Variants in MYO3B observed in about 807,000 individuals in gnomAD.
MYO3B encodes the protein myosin IIIB, also known as myosin-IIIb.
In MYO3B, 156 loss-of-function variants were observed where a neutral mutation model predicts 174.6. That is an observed-to-expected ratio of 0.89 (90% CI 0.78 to 1.02). The LOEUF is 1.02. Among genes scored for constraint, MYO3B ranks in the 50% least tolerant of loss-of-function variants. The probability of loss-of-function intolerance (pLI) is 0.00; values close to 1 mark genes in which losing one functional copy is unlikely to be tolerated. For synonymous variants in MYO3B, 563 were observed against 569.1 expected, an observed-to-expected ratio of 0.99 and a Z score of 0.15; for missense variants, 1,632 against 1,639.4, an observed-to-expected ratio of 1.00 and a Z score of 0.08.
At chr2:170,237,753 A>G (rs2093087761) in intron 7 of MYO3B, among the ~76,000 whole-genome samples, 1 of 152,178 alleles carries the variant, frequency 6.6e-6, no homozygotes, top group Admixed American at 6.5e-5. Context: ...AGAATTGGGC[A>G]ATTGTTAGAA....
chr2:170,518,713 C>T (rs1688474870), intron 29 of MYO3B, among the ~76,000 whole-genome samples: 1 of 152,176 alleles, frequency 6.6e-6, no homozygotes, highest in Non-Finnish European at 1.5e-5. Context: ...CCTGCAGAGT[C>T]TCTGATTCAC....
chr2:170,630,568 G>C (rs1353020536), intron 32 of MYO3B, among the ~76,000 whole-genome samples: 1 of 152,176 alleles, frequency 6.6e-6, no homozygotes, highest in East Asian at 1.9e-4. Flanking sequence ...CACAGTGTTT[G>C]AGCTCTGAGA....
intron 14 of MYO3B, 50 bp downstream of exon 14, chr2:170,387,358 G>A (rs976188332): frequency 1.9e-6 from 3 of 1,549,584 alleles, no homozygotes; most frequent in Admixed American, 1.7e-5. Context: ...TAAAAACTGG[G>A]AGACTTTGGA....
chr2:170,435,099 A>T (rs549385288), intron 22 of MYO3B, among the ~76,000 whole-genome samples: 3 of 152,348 alleles, frequency 2.0e-5, no homozygotes, highest in African/African-American at 7.2e-5. Flanking sequence ...GGTCTGTCTC[A>T]AGCTTGCTCC....
chr2:170,483,605 C>G (rs950113703), intron 25 of MYO3B, among the ~76,000 whole-genome samples: 2 of 151,394 alleles, frequency 1.3e-5, no homozygotes, highest in Non-Finnish European at 2.9e-5. Flanking sequence ...CCAGGATGGT[C>G]TCGATCTCCT....
chr2:170,366,031 G>T (rs1209141074), intron 8 of MYO3B, among the ~76,000 whole-genome samples: 1 of 152,112 alleles, frequency 6.6e-6, no homozygotes, highest in Non-Finnish European at 1.5e-5. Context: ...TAGGAGGAGG[G>T]AGTGAAGTGA....
chr2:170,374,834 G>A (rs935011010), intron 9 of MYO3B, among the ~76,000 whole-genome samples: 2 of 151,680 alleles, frequency 1.3e-5, no homozygotes, highest in Non-Finnish European at 2.9e-5. Flanking sequence ...AGAGGCACCT[G>A]TGGAGAAGTG....
intron 7 of MYO3B, among the ~76,000 whole-genome samples, chr2:170,255,076 G>T (rs1427702765): frequency 6.6e-6 from 1 of 152,118 alleles, no homozygotes; most frequent in Non-Finnish European, 1.5e-5. Flanking sequence ...CTCTGCCTGG[G>T]GATCCTACGC....
At chr2:170,265,540 A>C (rs1200550271) in intron 7 of MYO3B, among the ~76,000 whole-genome samples, 1 of 152,228 alleles carries the variant, frequency 6.6e-6, no homozygotes, top group African/African-American at 2.4e-5. Context: ...AGGCTAGGTC[A>C]GGGCATGTGG....
Position 170,607,835 on chromosome 2 carries a change from C to A in MYO3B, c.3734-43793C>A, listed in dbSNP as rs75977308. Among the ~76,000 whole-genome samples the A allele has an allele frequency of 2.8e-3, 424 of 152,180 alleles. 1 individual carries two copies. The highest frequency in any genetic ancestry group is 9.9e-3 in the African/African-American group (412 of 41,518). ...TAGCATTTTATAATAATGTAGGTTT[C>A]TTTTATTTAGTAGACGCTCTAGGTA... is the stretch of plus-strand genomic sequence containing the variant. On this transcript the variant is annotated intron_variant, in intron 32 of 34. Coordinates refer to ENST00000408978, the MANE Select transcript of MYO3B (RefSeq NM_138995.5).
At position 170,565,113 on chromosome 2, in the gene MYO3B, G is replaced by A. The variant is rs151043017; in HGVS notation, c.3733+21125G>A. ...ACTCCATGCAAAAATGTTCAACCTC[G>A]AAATTTAATGAGAAATAAATTTTTT... On this transcript the variant is annotated intron_variant, in intron 32 of 34. Transcript: ENST00000408978. Among the ~76,000 whole-genome samples the A allele has an allele frequency of 3.6e-3, 546 of 152,228 alleles. 1 individual carries two copies. The highest frequency in any genetic ancestry group is 8.3e-3 in the South Asian group (40 of 4,820).
chr2:170,272,578 G>A (rs2093433256), intron 7 of MYO3B, among the ~76,000 whole-genome samples: 1 of 152,176 alleles, frequency 6.6e-6, no homozygotes, highest in Admixed American at 6.5e-5. Context: ...GACAGGGCAG[G>A]TAGAGGTGGG....
chr2:170,422,217 T>G (rs756602768), intron 22 of MYO3B, among the ~76,000 whole-genome samples: 11 of 151,730 alleles, frequency 7.2e-5, no homozygotes, highest in Non-Finnish European at 1.5e-4. Flanking sequence ...TGTTGTTGTT[T>G]AAGGAAATGG....
intron 32 of MYO3B, among the ~76,000 whole-genome samples, chr2:170,617,136 G>A (rs948696800): frequency 2.6e-5 from 4 of 152,142 alleles, no homozygotes; most frequent in African/African-American, 7.2e-5. Flanking sequence ...ATAGATGGAC[G>A]TAATGCAACT....
chr2:170,569,971 C>T (rs1444669763), intron 32 of MYO3B, among the ~76,000 whole-genome samples: 2 of 152,002 alleles, frequency 1.3e-5, no homozygotes, highest in Non-Finnish European at 2.9e-5. Flanking sequence ...TCTGAAGGAC[C>T]TGGCTCTTTT....
At chr2:170,256,981 C>T (rs1261543752) in intron 7 of MYO3B, among the ~76,000 whole-genome samples, 2 of 151,970 alleles carry the variant, frequency 1.3e-5, no homozygotes, top group Non-Finnish European at 2.9e-5. Flanking sequence ...GACTTTAAAC[C>T]AAGAATAGTA....
chr2:170,400,261 CTCAACA>C lies in MYO3B; in HGVS notation c.1869_1874del (p.His624_Gln625del), dbSNP rs552913139. On this transcript the variant is annotated inframe_deletion, in exon 17 of 35. Transcript: ENST00000408978. ...AACATTGAGTTCGCAGCTATTTCCT[CTCAACA>C]TCAGACTGATAAAAGTGAGGTGCCC... is the stretch of plus-strand genomic sequence containing the variant. 376 of 1,614,114 alleles carry C rather than the reference CTCAACA, an allele frequency of 2.3e-4. No individual in the cohort carries two copies. The African/African-American group carries it at 4.3e-3, about 18-fold the overall frequency.
chr2:170,498,541 C>A (rs765863317), intron 25 of MYO3B, 51 bp from the exon 26 acceptor site: 5 of 1,295,264 alleles, frequency 3.9e-6, no homozygotes, highest in South Asian at 3.6e-5. Flanking sequence ...TTCTACTATG[C>A]TGAGTCAAAT....
intron 25 of MYO3B, among the ~76,000 whole-genome samples, chr2:170,484,776 T>C (rs1365360444): frequency 1.3e-5 from 2 of 152,188 alleles, no homozygotes; most frequent in African/African-American, 4.8e-5. Flanking sequence ...TCTGTCTCTT[T>C]ACTCAAGGCC....
Sources: gnomAD v4.1 joint callset for allele counts (sites outside exome capture counted in the v4.1 genomes callset) on GRCh38, gnomAD v4.1.1 for gene constraint, MANE v1.5 for transcripts, NCBI Gene and HGNC (gene_info 2026-07-23, HGNC 2026-07-21) for gene names.